The following CTNNA3 variants were observed in gnomAD, a reference collection of about 807,000 sequenced individuals.
The protein encoded by CTNNA3 is catenin alpha 3, also known as catenin alpha-3.
A neutral mutation model predicts 95.7 loss-of-function variants in CTNNA3; 76 were observed. The ratio of observed to expected loss-of-function variants is 0.79; its 90% confidence interval spans 0.66 to 0.96. CTNNA3 has a LOEUF of 0.96. Among genes scored for constraint, CTNNA3 ranks in the 40% least tolerant of loss-of-function variants. CTNNA3 has a pLI of 0.00. For synonymous variants in CTNNA3, 431 were observed against 374.4 expected, an observed-to-expected ratio of 1.15 and a Z score of -1.74; for missense variants, 1,191 against 1,089.8, an observed-to-expected ratio of 1.09 and a Z score of -1.31.
At chr10:67,230,015 G>C (rs1865112303) in intron 5 of CTNNA3, among the ~76,000 whole-genome samples, 1 of 152,108 alleles carries the variant, frequency 6.6e-6, no homozygotes, top group African/African-American at 2.4e-5. Flanking sequence ...CATAGCCAAA[G>C]CAAGACTAAG....
intron 5 of CTNNA3, among the ~76,000 whole-genome samples, chr10:67,501,306 C>T (rs1589364455): frequency 6.6e-6 from 1 of 152,322 alleles, no homozygotes; most frequent in African/African-American, 2.4e-5. Flanking sequence ...TCTCTTCTGG[C>T]TTGTAGGGTT....
chr10:67,468,689 T>G (rs1424287042), intron 5 of CTNNA3, among the ~76,000 whole-genome samples: 1 of 152,160 alleles, frequency 6.6e-6, no homozygotes, highest in Non-Finnish European at 1.5e-5. Context: ...TTTTCTCTCT[T>G]TCCCCTTTTA....
At chr10:66,174,427 A>G (rs1435147708) in intron 13 of CTNNA3, among the ~76,000 whole-genome samples, 1 of 152,134 alleles carries the variant, frequency 6.6e-6, no homozygotes, top group African/African-American at 2.4e-5. Context: ...ATCAAGATTT[A>G]AATTATGTGC....
At chr10:67,740,649 T>G (rs1246849899) in intron 1 of CTNNA3, among the ~76,000 whole-genome samples, 2 of 151,214 alleles carry the variant, frequency 1.3e-5, no homozygotes, top group African/African-American at 2.4e-5. Context: ...CATTAAAAAG[T>G]CAGGAAACAA....
chr10:67,301,345 T>C (rs577951537), intron 5 of CTNNA3, among the ~76,000 whole-genome samples: 1 of 152,252 alleles, frequency 6.6e-6, no homozygotes, highest in South Asian at 2.1e-4. Context: ...ATCAAAAAGA[T>C]GGAAGATAAG....
At chr10:66,016,614 T>A (rs559135874) in intron 15 of CTNNA3, among the ~76,000 whole-genome samples, 7 of 152,142 alleles carry the variant, frequency 4.6e-5, no homozygotes, top group Non-Finnish European at 8.8e-5. Context: ...TCTAATTCCA[T>A]TGGGATTCTT....
intron 5 of CTNNA3, among the ~76,000 whole-genome samples, chr10:67,469,456 A>G (rs1475250024): frequency 6.6e-6 from 1 of 152,136 alleles, no homozygotes; most frequent in Non-Finnish European, 1.5e-5. Context: ...TGTCCTTCAC[A>G]GGGACATGGA....
chr10:67,453,969 A>G lies in CTNNA3; in HGVS notation c.579+67873T>C, dbSNP rs74233491. On this transcript the variant is annotated intron_variant, in intron 5 of 17. Coordinates refer to ENST00000433211, the MANE Select transcript of CTNNA3 (RefSeq NM_013266.4). ...AGACACTGTTATTTTTATTCACTTT[A>G]TTTTATTTTATTTCTCTGAAACCCA... Among the ~76,000 whole-genome samples the G allele has an allele frequency of 0.026, 4,028 of 152,160 alleles. 386 individuals carry two copies. The East Asian group carries it at 0.34, about 13-fold the overall frequency.
intron 2 of CTNNA3, among the ~76,000 whole-genome samples, chr10:67,614,715 G>A (rs554109094): frequency 1.3e-5 from 2 of 152,140 alleles, no homozygotes; most frequent in Non-Finnish European, 2.9e-5. Context: ...TGCACCAGTT[G>A]GGGTACTCAA....
At chr10:66,764,565 A>T (rs1394215128) in intron 9 of CTNNA3, among the ~76,000 whole-genome samples, 1 of 152,216 alleles carries the variant, frequency 6.6e-6, no homozygotes, top group East Asian at 1.9e-4. Context: ...TAGGAAGAGG[A>T]ATTCAATTTT....
intron 7 of CTNNA3, among the ~76,000 whole-genome samples, chr10:66,921,168 T>C (rs545809907): frequency 6.6e-6 from 1 of 152,318 alleles, no homozygotes; most frequent in South Asian, 2.1e-4. Context: ...CTGCCTTCTC[T>C]TGTAGCAGAG....
rs181676427 is a variant in CTNNA3, at chr10:66,330,700, G to A, written c.1732+48452C>T. On this transcript the variant is annotated intron_variant, in intron 12 of 17. Coordinates refer to ENST00000433211, the MANE Select transcript of CTNNA3 (RefSeq NM_013266.4). Reference sequence around the variant, plus strand: ...ACAGTCCCACCAACAGTGTAAAAGTGTTCCTATTCCTCCACATCCTCTCCA... The same window carrying A: ...ACAGTCCCACCAACAGTGTAAAAGTATTCCTATTCCTCCACATCCTCTCCA... Among the ~76,000 whole-genome samples the A allele has an allele frequency of 1.1e-4, 16 of 152,186 alleles. No individual in the cohort carries two copies. The East Asian group carries it at 2.7e-3, about 26-fold the overall frequency.
intron 7 of CTNNA3, among the ~76,000 whole-genome samples, chr10:67,084,204 A>C (rs985983354): frequency 6.6e-6 from 1 of 152,134 alleles, no homozygotes; most frequent in African/African-American, 2.4e-5. Context: ...GATTTAAGCA[A>C]TCTATCCTCA....
intron 7 of CTNNA3, among the ~76,000 whole-genome samples, chr10:66,972,610 A>C (rs906674395): frequency 8.6e-5 from 13 of 152,040 alleles, no homozygotes; most frequent in Admixed American, 7.9e-4. Flanking sequence ...TTATTTCATA[A>C]AGTGCTTTTT....
chr10:66,005,819 C>A (rs985678931), intron 15 of CTNNA3, among the ~76,000 whole-genome samples: 2 of 151,868 alleles, frequency 1.3e-5, no homozygotes, highest in African/African-American at 4.8e-5. Flanking sequence ...ACCTTGAAAA[C>A]CCTAGTACAT....
At chr10:67,673,468 G>T (rs2133555094) in intron 1 of CTNNA3, among the ~76,000 whole-genome samples, 1 of 152,106 alleles carries the variant, frequency 6.6e-6, no homozygotes, top group Admixed American at 6.5e-5. Context: ...TCCAGTGTTT[G>T]CCCATTCGGT....
rs888662578 is a variant in CTNNA3, at chr10:67,298,672, G to T, written c.580-78802C>A. ...GGTAAACCTGTAAAGATATACTGTT[G>T]TCCCTGCCATGTAAATGCAAACTAC... On this transcript the variant is annotated intron_variant, in intron 5 of 17. Coordinates refer to ENST00000433211, the MANE Select transcript of CTNNA3 (RefSeq NM_013266.4). Among the ~76,000 whole-genome samples, 4 of 152,230 alleles carry T rather than the reference G, an allele frequency of 2.6e-5. No homozygotes were observed. The East Asian group carries it at 5.8e-4, about 22-fold the overall frequency.
intron 6 of CTNNA3, among the ~76,000 whole-genome samples, chr10:67,211,320 GACATC>G (rs1864129619): frequency 6.6e-6 from 1 of 150,998 alleles, no homozygotes; most frequent in Non-Finnish European, 1.5e-5. Context: ...CTCCAAGCTT[GACATC>G]GGGTCCATAT....
At chr10:66,409,633 G>GTATAT (rs1438474039) in intron 11 of CTNNA3, among the ~76,000 whole-genome samples, 2 of 152,106 alleles carry the variant, frequency 1.3e-5, no homozygotes, top group African/African-American at 2.4e-5. Flanking sequence ...ATACTCTGAT[G>GTATAT]GCAGTGAGAC....
Sources: allele counts gnomAD v4.1 joint callset (sites outside exome capture counted in the v4.1 genomes callset), GRCh38; gene constraint gnomAD v4.1.1; transcripts MANE v1.5; gene names NCBI Gene and HGNC (gene_info 2026-07-23, HGNC 2026-07-21).